Variants in ARPP21 observed in about 807,000 individuals in gnomAD.
The protein encoded by ARPP21 is cAMP-regulated phosphoprotein 21.
ARPP21 carries 69 observed loss-of-function variants against 113.2 expected under a neutral mutation model. That is an observed-to-expected ratio of 0.61 (90% CI 0.50 to 0.74). ARPP21 has a LOEUF of 0.74. Among genes scored for constraint, ARPP21 ranks in the 30% least tolerant of loss-of-function variants. ARPP21 has a pLI of 0.00. For missense variants in ARPP21, 1,070 were observed against 1,037.4 expected (o/e 1.03, Z -0.43); for synonymous variants, 368 against 375.5 (o/e 0.98, Z 0.23).
At chr3:35,724,147 A>T (rs188088857) in intron 14 of ARPP21, among the ~76,000 whole-genome samples, 234 of 152,336 alleles carry the variant, frequency 1.5e-3, no homozygotes, top group African/African-American at 5.4e-3. Context: ...CATTGGAAAC[A>T]CATTTTCCTA....
chr3:35,765,445 C>T (rs1254190084), intron 19 of ARPP21, among the ~76,000 whole-genome samples: 1 of 152,130 alleles, frequency 6.6e-6, no homozygotes, highest in Non-Finnish European at 1.5e-5. Flanking sequence ...TGGATCCCCT[C>T]TTTCACCCTG....
chr3:35,674,275 G>C (rs960579848), intron 1 of ARPP21, among the ~76,000 whole-genome samples: 7 of 151,928 alleles, frequency 4.6e-5, no homozygotes, highest in African/African-American at 1.7e-4. Context: ...TAGGATAAGT[G>C]TGTAACTCAC....
At chr3:35,689,221 G>T in intron 6 of ARPP21, 86 bp from the exon 7 acceptor site, 1 of 748,436 alleles carries the variant, frequency 1.3e-6, no homozygotes, top group South Asian at 1.5e-5. Context: ...ATCTGAGCAG[G>T]GGGAAACAGG....
intron 11 of ARPP21, among the ~76,000 whole-genome samples, chr3:35,714,225 G>C (rs763834712): frequency 6.6e-6 from 1 of 152,144 alleles, no homozygotes; most frequent in Non-Finnish European, 1.5e-5. Context: ...CAAGGTTAAA[G>C]CATAAACGAT....
chr3:35,790,556 G>C (rs2096728047), intron 19 of ARPP21, among the ~76,000 whole-genome samples: 1 of 152,188 alleles, frequency 6.6e-6, no homozygotes, highest in Non-Finnish European at 1.5e-5. Context: ...CTGCAAATGA[G>C]AACAGAGAAG....
At chr3:35,661,312 T>G (rs1707711903) in intron 1 of ARPP21, among the ~76,000 whole-genome samples, 1 of 152,184 alleles carries the variant, frequency 6.6e-6, no homozygotes, top group African/African-American at 2.4e-5. Context: ...ATCGTGAGAA[T>G]GGTGAATTTG....
chr3:35,752,702 C>G (rs1008834358), intron 19 of ARPP21, among the ~76,000 whole-genome samples: 1 of 152,030 alleles, frequency 6.6e-6, no homozygotes, highest in African/African-American at 2.4e-5. Context: ...AGCAAACTCC[C>G]AGGTGATGCT....
At chr3:35,690,619 A>G (rs1405364803) in intron 8 of ARPP21, among the ~76,000 whole-genome samples, 1 of 151,630 alleles carries the variant, frequency 6.6e-6, no homozygotes, top group Non-Finnish European at 1.5e-5. Context: ...TGTCCAACAG[A>G]CATTACATTC....
intron 1 of ARPP21, among the ~76,000 whole-genome samples, chr3:35,658,060 T>A (rs1042629882): frequency 2.6e-5 from 4 of 152,138 alleles, no homozygotes; most frequent in African/African-American, 4.8e-5. Flanking sequence ...GGAATAATAC[T>A]CTCTTGTGAT....
intron 9 of ARPP21, among the ~76,000 whole-genome samples, chr3:35,703,059 A>G (rs1179835055): frequency 6.6e-6 from 1 of 151,842 alleles, no homozygotes; most frequent in African/African-American, 2.4e-5. Context: ...ACTCAGGGTG[A>G]AATTCAAGAC....
intron 19 of ARPP21, among the ~76,000 whole-genome samples, chr3:35,789,448 A>T (rs1200255944): frequency 6.6e-6 from 1 of 152,182 alleles, no homozygotes; most frequent in African/African-American, 2.4e-5. Context: ...TCTTGCCTGG[A>T]GAGAGAATTG....
intron 19 of ARPP21, among the ~76,000 whole-genome samples, chr3:35,784,057 G>A (rs1334853084): frequency 6.6e-6 from 1 of 152,084 alleles, no homozygotes; most frequent in Admixed American, 6.6e-5. Context: ...TTCTAGAGTT[G>A]GAGACAGGTG....
chr3:35,746,448 C>T (rs867245115), intron 19 of ARPP21, among the ~76,000 whole-genome samples: 1 of 152,156 alleles, frequency 6.6e-6, no homozygotes, highest in Non-Finnish European at 1.5e-5. Flanking sequence ...AGAGCCTCTT[C>T]AGATAACTGT....
At chr3:35,793,631 C>T (rs1050588534) in intron 20 of ARPP21, 70 bp from the exon 21 acceptor site, 8 of 1,011,300 alleles carry the variant, frequency 7.9e-6, no homozygotes, top group Admixed American at 3.6e-5. Flanking sequence ...TTTTTCATGA[C>T]ACCATGTTGT....
At chr3:35,651,373 A>G (rs17033625) in intron 1 of ARPP21, among the ~76,000 whole-genome samples, 7,224 of 152,198 alleles carry the variant, frequency 0.047, 246 homozygotes, top group Admixed American at 0.084. Flanking sequence ...TATGCCAGAT[A>G]ATATCTAAGA....
chr3:35,644,885 G>A (rs1490654743), intron 1 of ARPP21, among the ~76,000 whole-genome samples: 2 of 151,702 alleles, frequency 1.3e-5, no homozygotes, highest in African/African-American at 4.8e-5. Context: ...ATGTCTTTTG[G>A]CAGTTGTATA....
chr3:35,732,258 G>A (rs1367934176), intron 15 of ARPP21, among the ~76,000 whole-genome samples: 1 of 152,072 alleles, frequency 6.6e-6, no homozygotes, highest in African/African-American at 2.4e-5. Flanking sequence ...CAGCACAATT[G>A]ACTTGGCTCT....
chr3:35,763,284 C>T (rs928317579), intron 19 of ARPP21, among the ~76,000 whole-genome samples: 1 of 152,090 alleles, frequency 6.6e-6, no homozygotes, highest in African/African-American at 2.4e-5. Context: ...GGGTATCTCC[C>T]TTACAACTGG....
chr3:35,785,383 A>C (rs1291373521), intron 19 of ARPP21, among the ~76,000 whole-genome samples: 3 of 152,150 alleles, frequency 2.0e-5, no homozygotes, highest in Non-Finnish European at 4.4e-5. Flanking sequence ...TTACTTCAAT[A>C]ATATGACAGC....
Sources: allele counts gnomAD v4.1 joint callset (sites outside exome capture counted in the v4.1 genomes callset), GRCh38; gene constraint gnomAD v4.1.1; transcripts MANE v1.5; gene names NCBI Gene and HGNC (gene_info 2026-07-23, HGNC 2026-07-21).